The following DEFB104B variants were observed in gnomAD, a reference collection of about 807,000 sequenced individuals.
The protein encoded by DEFB104B is defensin beta 104B.
At chr8:7,474,225 T>C (rs993456150) in intron 1 of DEFB104B, among the ~76,000 whole-genome samples, 7 of 144,736 alleles carry the variant, frequency 4.8e-5, no homozygotes, top group Non-Finnish European at 7.7e-5. Flanking sequence ...GTCAAAACAA[T>C]TGGTTTCGTC....
intron 1 of DEFB104B, 93 bp downstream of exon 1, chr8:7,474,918 C>T (rs528215475): frequency 2.2e-6 from 1 of 456,112 alleles, no homozygotes; most frequent in African/African-American, 2.1e-5. Context: ...GTTACTCCAT[C>T]CTTCAGGATT....
In DEFB104B at chr8:7,474,624, A is replaced by G. The variant is rs138101953; in HGVS notation, c.58+387T>C. 4.1e-3 allele frequency among the ~76,000 whole-genome samples: 569 copies of G among 139,420 alleles called. 31 individuals are homozygous for G. Among genetic ancestry groups the G allele is most frequent in the African/African-American group, 0.01 (384 of 37,886 alleles). The allele number at this position is 139,420 out of a possible 152,430, so 91.5% of individuals were successfully genotyped here. A position where few individuals can be genotyped will look rare whatever the true frequency, so the allele number is the denominator to read the frequency against. ...AGCTGTTCAGAAGGAGGAGGATGGG[A>G]GAAGGCATCTTATTCTACAAAATCA... is the stretch of plus-strand genomic sequence containing the variant. On this transcript the variant is annotated intron_variant, in intron 1 of 1. Coordinates refer to ENST00000316169, the MANE Select transcript of DEFB104B (RefSeq NM_001040702.1).
In DEFB104B at chr8:7,474,632, T is replaced by C. The variant is rs1811065374; in HGVS notation, c.58+379A>G. On this transcript the variant is annotated intron_variant, in intron 1 of 1. Transcript: ENST00000316169. ...AGAAGGAGGAGGATGGGAGAAGGCA[T>C]CTTATTCTACAAAATCAACAATGAA... 1.4e-5 allele frequency among the ~76,000 whole-genome samples: 2 copies of C among 141,176 alleles called. 1 individual carries two copies. 92.6% of individuals were successfully genotyped at this position (141,176 alleles called of 152,430 possible).
At chr8:7,474,663 G>A (rs1811066158) in intron 1 of DEFB104B, among the ~76,000 whole-genome samples, 1 of 141,234 alleles carries the variant, frequency 7.1e-6, no homozygotes, top group South Asian at 2.2e-4. Context: ...ATGAATAATT[G>A]CTGCTGCCCT....
chr8:7,472,066 G>A (rs1214833837), intron 1 of DEFB104B, among the ~76,000 whole-genome samples: 1 of 150,556 alleles, frequency 6.6e-6, no homozygotes, highest in Non-Finnish European at 1.5e-5. Flanking sequence ...GATGAGGAAA[G>A]ACTGTTTTGC....
intron 1 of DEFB104B, among the ~76,000 whole-genome samples, chr8:7,474,433 A>G (rs548951875): frequency 7.0e-6 from 1 of 142,618 alleles, no homozygotes; most frequent in African/African-American, 2.6e-5. Flanking sequence ...ATCTCAGTCT[A>G]AAATTTCCTG....
chr8:7,474,759 C>T (rs1811068825), intron 1 of DEFB104B, among the ~76,000 whole-genome samples: 1 of 137,058 alleles, frequency 7.3e-6, no homozygotes, highest in African/African-American at 2.6e-5. Context: ...GTGCCAAGGA[C>T]ATCTAGGACT....
chr8:7,471,031 T>G (rs1205332518), intron 1 of DEFB104B, among the ~76,000 whole-genome samples: 3 of 151,808 alleles, frequency 2.0e-5, no homozygotes, highest in African/African-American at 4.9e-5. Flanking sequence ...CAACCTTAAG[T>G]TCCCAATATT....
chr8:7,474,354 T>C (rs1300688847), intron 1 of DEFB104B, among the ~76,000 whole-genome samples: 2 of 144,436 alleles, frequency 1.4e-5, no homozygotes, highest in South Asian at 2.2e-4. Flanking sequence ...CTCATATCCA[T>C]TGCAAATATA....
chr8:7,473,155 C>T (rs1285076123), intron 1 of DEFB104B, among the ~76,000 whole-genome samples: 1 of 130,726 alleles, frequency 7.6e-6, no homozygotes, highest in African/African-American at 2.7e-5. Flanking sequence ...CTACACCTGG[C>T]TGATTTACAT....
At chr8:7,472,110 C>T (rs1306487697) in intron 1 of DEFB104B, among the ~76,000 whole-genome samples, 1 of 144,644 alleles carries the variant, frequency 6.9e-6, no homozygotes, top group African/African-American at 2.7e-5. Context: ...CCCCTGTGGT[C>T]ACAGTACAAG....
At chr8:7,471,905 G>T (rs1370107056) in intron 1 of DEFB104B, among the ~76,000 whole-genome samples, 20 of 147,178 alleles carry the variant, frequency 1.4e-4, no homozygotes, top group African/African-American at 5.3e-4. Context: ...TCTTTCATTT[G>T]TTCTGGTAAA....
chr8:7,474,324 G>A (rs1811054312), intron 1 of DEFB104B, among the ~76,000 whole-genome samples: 1 of 145,084 alleles, frequency 6.9e-6, no homozygotes, highest in South Asian at 2.2e-4. Context: ...GTAAAAGAAG[G>A]GAATTAGATT....
chr8:7,471,278 G>C (rs1442264441), intron 1 of DEFB104B, among the ~76,000 whole-genome samples: 22 of 122,878 alleles, frequency 1.8e-4, no homozygotes, highest in Admixed American at 1.4e-3. Flanking sequence ...TTCGAACTAT[G>C]AGCTCCCTGA....
At chr8:7,472,545 A>G (rs1264588366) in intron 1 of DEFB104B, among the ~76,000 whole-genome samples, 1 of 136,250 alleles carries the variant, frequency 7.3e-6, no homozygotes, top group Non-Finnish European at 1.5e-5. Flanking sequence ...AAGGCTGAGT[A>G]ATAAACATTT....
chr8:7,470,759 A>G (rs1346793755), intron 1 of DEFB104B, among the ~76,000 whole-genome samples: 4 of 81,010 alleles, frequency 4.9e-5, no homozygotes, highest in Non-Finnish European at 7.5e-5. Flanking sequence ...AATCCCTACA[A>G]GTTTACTATT....
chr8:7,474,077 T>C (rs1044540354), intron 1 of DEFB104B, among the ~76,000 whole-genome samples: 2 of 140,458 alleles, frequency 1.4e-5, no homozygotes, highest in Admixed American at 1.4e-4. Context: ...AGGTACCCTC[T>C]GAAAAAAAAT....
At chr8:7,474,883 A>T in intron 1 of DEFB104B, 128 bp downstream of exon 1, 4 of 483,658 alleles carry the variant, frequency 8.3e-6, no homozygotes, top group South Asian at 8.3e-5. Flanking sequence ...GAAAGCAAAG[A>T]GAAAAAAGGC....
At chr8:7,472,161 T>C (rs1810974620) in intron 1 of DEFB104B, among the ~76,000 whole-genome samples, 1 of 138,490 alleles carries the variant, frequency 7.2e-6, no homozygotes. Flanking sequence ...GTGTGTATCA[T>C]GCTGAGGGAG....
Sources: gnomAD v4.1 joint callset for allele counts (sites outside exome capture counted in the v4.1 genomes callset) on GRCh38, gnomAD v4.1.1 for gene constraint, MANE v1.5 for transcripts, NCBI Gene and HGNC (gene_info 2026-07-23, HGNC 2026-07-21) for gene names.